Variants in RFFL observed in about 807,000 individuals in gnomAD.
The protein encoded by RFFL is E3 ubiquitin-protein ligase rififylin.
A neutral mutation model predicts 40.4 loss-of-function variants in RFFL; 16 were observed. The observed-to-expected ratio is 0.40, with a 90% CI of 0.27 to 0.60. RFFL has a LOEUF of 0.60. RFFL is among the 20% of genes least tolerant of loss of function. The pLI, the probability that RFFL is intolerant of heterozygous loss-of-function variation, is 0.47. For synonymous variants in RFFL, 154 were observed against 167.9 expected (o/e 0.92, Z 0.64); for missense variants, 367 against 451.7 (o/e 0.81, Z 1.70).
chr17:35,067,671 T>A (rs982685154), upstream of RFFL, among the ~76,000 whole-genome samples: 2 of 152,096 alleles, frequency 1.3e-5, no homozygotes, highest in African/African-American at 4.8e-5. Context: ...GCCAGGCTGG[T>A]CTTGAACTCC....
Position 35,054,337 on chromosome 17 carries a change from G to T in RFFL, c.-9+9239C>A, listed in dbSNP as rs532068546. Among the ~76,000 whole-genome samples the T allele has an allele frequency of 1.1e-4, 16 of 152,240 alleles. No homozygotes were observed. In the South Asian group the frequency reaches 3.1e-3, roughly 30 times the overall value. Reference sequence around the variant, plus strand: ...ATTTTGCTTAACAACACAAGCCATTGCATTCCACCATTCCCACAAGCTGAG... The same window carrying T: ...ATTTTGCTTAACAACACAAGCCATTTCATTCCACCATTCCCACAAGCTGAG... On this transcript the variant is annotated intron_variant, in intron 1 of 6. Coordinates refer to ENST00000394597, the MANE Select transcript of RFFL (RefSeq NM_001017368.2).
rs2090912155 is a variant in RFFL, at chr17:35,008,490, G to A, written c.*3478C>T. ...ACTCTGTCACCCTGGCTGGAGTGCG[G>A]TGGCGATCAGAGCTCACTGCAGCTT... On this transcript the variant is annotated 3_prime_UTR_variant, in exon 7 of 7. Coordinates refer to ENST00000394597, the MANE Select transcript of RFFL (RefSeq NM_001017368.2). 6.6e-6 allele frequency: 1 copy of A among 151,670 alleles called. No homozygotes were observed. Among genetic ancestry groups the A allele is most frequent in the Non-Finnish European group, 1.5e-5 (1 of 67,944 alleles). 9.4% of individuals were successfully genotyped at this position (151,670 alleles called of 1,614,324 possible).
chr17:35,065,655 A>G (rs900118633), upstream of RFFL, among the ~76,000 whole-genome samples: 6 of 152,108 alleles, frequency 3.9e-5, no homozygotes, highest in Non-Finnish European at 5.9e-5. Context: ...GGCCAAAGGC[A>G]TGGAACTCCT....
At chr17:35,058,840 T>C (rs2091275305) in intron 1 of RFFL, among the ~76,000 whole-genome samples, 1 of 152,048 alleles carries the variant, frequency 6.6e-6, no homozygotes, top group Non-Finnish European at 1.5e-5. Context: ...TTTTACCCTC[T>C]ATCCTTTAGA....
intron 1 of RFFL, among the ~76,000 whole-genome samples, chr17:35,026,846 C>T (rs1479286512): frequency 6.6e-6 from 1 of 152,126 alleles, no homozygotes; most frequent in Non-Finnish European, 1.5e-5. Flanking sequence ...GCTGGGATTA[C>T]AGGTGCCCGC....
chr17:35,059,153 G>A (rs1286588026), intron 1 of RFFL, among the ~76,000 whole-genome samples: 1 of 151,662 alleles, frequency 6.6e-6, no homozygotes, highest in Admixed American at 6.6e-5. Flanking sequence ...CAAGTAGGTG[G>A]GATTACAGGT....
At chr17:35,079,182 C>T (rs1404591693) in intron 1 of RFFL, among the ~76,000 whole-genome samples, 1 of 152,078 alleles carries the variant, frequency 6.6e-6, no homozygotes, top group Non-Finnish European at 1.5e-5. Flanking sequence ...ACCACCATGC[C>T]TGGCAAATTT....
rs2091275863 is a variant in RFFL, at chr17:35,058,948, C to T, written c.-9+4628G>A. Among the ~76,000 whole-genome samples, 5 of 151,880 alleles carry T rather than the reference C, an allele frequency of 3.3e-5. No individual in the cohort carries two copies. In the South Asian group the frequency reaches 1.0e-3, roughly 32 times the overall value. On this transcript the variant is annotated intron_variant, in intron 1 of 6. Coordinates refer to ENST00000394597, the MANE Select transcript of RFFL (RefSeq NM_001017368.2). Reference sequence around the variant, plus strand: ...AAAGTGATGATGTATGACTGCCAGGCCTAGGTCTTATGAGATCCTGCAGCT... The same window carrying T: ...AAAGTGATGATGTATGACTGCCAGGTCTAGGTCTTATGAGATCCTGCAGCT...
intron 1 of RFFL, 94 bp from the exon 2 acceptor site, chr17:35,026,655 A>C: frequency 3.2e-6 from 3 of 950,778 alleles, no homozygotes; most frequent in African/African-American, 1.7e-5. Flanking sequence ...AGTGACACTC[A>C]ATGCACGCAT....
At chr17:35,086,451 T>C (rs2091430081) in intron 1 of RFFL, among the ~76,000 whole-genome samples, 1 of 149,304 alleles carries the variant, frequency 6.7e-6, no homozygotes, top group South Asian at 2.1e-4. Flanking sequence ...CACTCCAGCA[T>C]GGTTGACAAG....
Position 35,012,070 on chromosome 17 carries a change from C to G in RFFL, c.990G>C (p.Glu330Asp), listed in dbSNP as rs2090943160. 6.2e-7 allele frequency: 1 copy of G among 1,614,178 alleles called. No individual in the cohort carries two copies. Among genetic ancestry groups the G allele is most frequent in the African/African-American group, 1.3e-5 (1 of 75,022 alleles). The change falls in exon 7 of 7, where the codon GAG becomes GAC. Residue 330 changes from glutamate (E) to aspartate (D), a missense_variant. Transcript: ENST00000394597. The stretch of plus-strand genomic sequence containing the variant: ...TGGTACAGGTTACCATGTGGCCACA[C>G]TCCAGAAGAACACAGTCAATGGGTG... ...MDSPIDCVLL[E>D]CGHMVTCTKC... is the part of the protein sequence containing the mutation.
intron 1 of RFFL, among the ~76,000 whole-genome samples, chr17:35,068,923 G>C (rs1383630788): frequency 6.6e-6 from 1 of 152,064 alleles, no homozygotes; most frequent in African/African-American, 2.4e-5. Context: ...TTCTATATAA[G>C]GCTATTTCTT....
upstream of RFFL, among the ~76,000 whole-genome samples, chr17:35,065,234 G>C (rs1490282990): frequency 6.6e-6 from 1 of 151,756 alleles, no homozygotes; most frequent in Non-Finnish European, 1.5e-5. Context: ...GATTAGAAAA[G>C]CTCCTGACCT....
chr17:35,048,398 T>A lies in RFFL; in HGVS notation c.-9+15178A>T, dbSNP rs544725067. Among the ~76,000 whole-genome samples, 143 of 152,062 alleles carry A rather than the reference T, an allele frequency of 9.4e-4. 3 individuals are homozygous for A. Among genetic ancestry groups the A allele is most frequent in the African/African-American group, 2.9e-3 (119 of 41,462 alleles). On this transcript the variant is annotated intron_variant, in intron 1 of 6. Transcript: ENST00000394597. The stretch of plus-strand genomic sequence containing the variant: ...GCCTGGGCGACAGAGCGAGACTCCA[T>A]CTCAAAAAATTAATTAATTAATTAA...
At chr17:35,062,577 C>G (rs775317936) in intron 1 of RFFL, among the ~76,000 whole-genome samples, 1 of 152,060 alleles carries the variant, frequency 6.6e-6, no homozygotes, top group African/African-American at 2.4e-5. Context: ...ACCAGGTTCT[C>G]CTGAGTACTC....
intron 1 of RFFL, among the ~76,000 whole-genome samples, chr17:35,032,166 T>A (rs2091089229): frequency 6.7e-6 from 1 of 149,782 alleles, no homozygotes; most frequent in African/African-American, 2.5e-5. Flanking sequence ...AGGGAGTAGA[T>A]GAGGGTACAA....
At chr17:35,077,540 A>AAATTG (rs2142383577) in intron 1 of RFFL, among the ~76,000 whole-genome samples, 2 of 152,330 alleles carry the variant, frequency 1.3e-5, no homozygotes, top group African/African-American at 4.8e-5. Context: ...ACCCTTACAA[A>AAATTG]GCTGGTCCTT....
At chr17:35,068,613 T>C (rs2091332379), upstream of RFFL, among the ~76,000 whole-genome samples, 1 of 152,218 alleles carries the variant, frequency 6.6e-6, no homozygotes, top group African/African-American at 2.4e-5. Flanking sequence ...TACTTTATTA[T>C]CCACTATGGT....
chr17:35,069,184 C>G (rs767511717), intron 1 of RFFL: 3 of 453,504 alleles, frequency 6.6e-6, no homozygotes, highest in South Asian at 1.6e-5. Flanking sequence ...TCTCCTAATA[C>G]ACACACTCAC....
Sources: allele counts gnomAD v4.1 joint callset (sites outside exome capture counted in the v4.1 genomes callset), GRCh38; gene constraint gnomAD v4.1.1; transcripts MANE v1.5; gene names NCBI Gene and HGNC (gene_info 2026-07-23, HGNC 2026-07-21).